The following RBM33 variants were observed in gnomAD, a reference collection of about 807,000 sequenced individuals.
RBM33 encodes the protein RNA-binding protein 33.
RBM33 carries 28 observed loss-of-function variants against 132.6 expected under a neutral mutation model. That is an observed-to-expected ratio of 0.21 (90% confidence interval 0.16 to 0.29). The LOEUF (loss-of-function observed/expected upper bound fraction) is 0.29. RBM33 is among the 10% of genes least tolerant of loss of function. The pLI, the probability that RBM33 is intolerant of heterozygous loss-of-function variation, is 1.00. For missense variants in RBM33, 1,291 were observed against 1,518.5 expected (o/e 0.85, Z 2.49); for synonymous variants, 634 against 593.0 (o/e 1.07, Z -1.01).
chr7:155,674,091 C>A (rs1313246829), intron 3 of RBM33, among the ~76,000 whole-genome samples: 1 of 151,540 alleles, frequency 6.6e-6, no homozygotes, highest in Non-Finnish European at 1.5e-5. Flanking sequence ...TTGGCCTAAC[C>A]CTGCTTTCCC....
In RBM33 at chr7:155,745,937, T is replaced by G. The variant is rs768154582; in HGVS notation, c.2979+335T>G. Among the ~76,000 whole-genome samples the G allele has an allele frequency of 2.6e-5, 4 of 152,328 alleles. No homozygotes were observed. The highest frequency in any genetic ancestry group is 3.4e-3 in the Middle Eastern group (1 of 294). On this transcript the variant is annotated intron_variant, in intron 14 of 17. Transcript: ENST00000401878. The surrounding 1 kb of genome is among the most constrained non-coding windows in gnomAD (Gnocchi z 4.1). ...TGCAGCATGTTACTGTGCTGAATAC[T>G]ATAGGCAGTTGTCACACAATGATGA...
At chr7:155,645,930 C>CT (rs1202943817) in intron 1 of RBM33, among the ~76,000 whole-genome samples, 2 of 152,194 alleles carry the variant, frequency 1.3e-5, no homozygotes, top group East Asian at 1.9e-4. Flanking sequence ...ACAAAAAAGA[C>CT]TAAGTGTAGG....
chr7:155,739,681 T>C, intron 11 of RBM33, 34 bp from the exon 12 acceptor site: 1 of 1,518,954 alleles, frequency 6.6e-7, no homozygotes. Context: ...TAACCATTTA[T>C]GAACTGTTGT....
intron 4 of RBM33, among the ~76,000 whole-genome samples, chr7:155,680,205 A>G (rs1033823068): frequency 2.6e-5 from 4 of 152,312 alleles, no homozygotes; most frequent in East Asian, 3.9e-4. Context: ...GTTTCTGTCT[A>G]TTTCATTTTG....
intron 14 of RBM33, 50 bp from the exon 15 acceptor site, chr7:155,763,762 T>G (rs73167201): frequency 0.04 from 62,401 of 1,544,070 alleles, 1,933 homozygotes; most frequent in African/African-American, 0.15. Flanking sequence ...GGGGAGGAGC[T>G]TTTGGTGGAG....
Position 155,644,897 on chromosome 7 carries a change from G to T in RBM33, c.21G>T (p.Ala7=), listed in dbSNP as rs779464871. 6.7e-6 allele frequency: 10 copies of T among 1,499,610 alleles called. No individual in the cohort carries two copies. Among genetic ancestry groups the T allele is most frequent in the Admixed American group, 4.2e-5 (2 of 47,170 alleles). The allele number at this position is 1,499,610 out of a possible 1,614,324, so 92.9% of individuals were successfully genotyped here. A position where few individuals can be genotyped will look rare whatever the true frequency, so the allele number is the denominator to read the frequency against. MAAALG[A]SGGAGAGDDD... ...GTGCCATGGCGGCCGCCCTGGGAGC[G>T]AGCGGAGGAGCAGGCGCCGGAGGTA... The change falls in exon 1 of 18, where the codon GCG becomes GCT. Residue 7 remains alanine, a synonymous_variant. Transcript: ENST00000401878.
chr7:155,718,494 T>G (rs373876926), intron 9 of RBM33, 51 bp downstream of exon 9: 4 of 1,444,616 alleles, frequency 2.8e-6, no homozygotes, highest in African/African-American at 2.8e-5. Context: ...ATACATTTAC[T>G]AAGAAATATT....
At chr7:155,674,743 G>T (rs1464804498) in intron 3 of RBM33, among the ~76,000 whole-genome samples, 1 of 152,206 alleles carries the variant, frequency 6.6e-6, no homozygotes, top group African/African-American at 2.4e-5. Context: ...GCTGGAACCG[G>T]AGCATGCCCA....
Position 155,745,327 on chromosome 7 carries a change from T to C in RBM33, c.2704T>C (p.Tyr902His), listed in dbSNP as rs1801480879. 1 of 1,613,258 alleles carries C rather than the reference T, an allele frequency of 6.2e-7. No individual in the cohort carries two copies. Among genetic ancestry groups the C allele is most frequent in the East Asian group, 2.2e-5 (1 of 44,878 alleles). Residue 902 changes from tyrosine to histidine, a missense_variant, in exon 14 of 18, where the codon TAT (tyrosine) becomes CAT (histidine). Physicochemically the swap from Tyr to His is moderately conservative, Grantham distance 83. Transcript: ENST00000401878. The surrounding 1 kb of genome is among the most constrained non-coding windows in gnomAD (Gnocchi z 4.1). Reference sequence around the variant, plus strand: ...TGTACCATCCAGTGCCAACATGCAGTATCAAGGACAACAGATGAAAGCACT... The same window carrying C: ...TGTACCATCCAGTGCCAACATGCAGCATCAAGGACAACAGATGAAAGCACT... ...NFVPSSANMQYQGQQMKALKH... is the reference protein window; with the variant it reads ...NFVPSSANMQHQGQQMKALKH...
chr7:155,673,047 A>AT (rs1247620964), intron 3 of RBM33, 132 bp downstream of exon 3: 5 of 516,752 alleles, frequency 9.7e-6, no homozygotes, highest in Middle Eastern at 5.1e-4. Flanking sequence ...AAACTGAATT[A>AT]TTTTTTAAGT....
At chr7:155,769,719 T>G (rs577972779) in intron 16 of RBM33, among the ~76,000 whole-genome samples, 1 of 150,606 alleles carries the variant, frequency 6.6e-6, no homozygotes, top group African/African-American at 2.4e-5. Context: ...GAAGGCCTGG[T>G]TGGTGAAGTA....
chr7:155,673,940 G>GTTTTTTTTTT (rs71186053), intron 3 of RBM33, among the ~76,000 whole-genome samples: 69 of 54,180 alleles, frequency 1.3e-3, no homozygotes, highest in East Asian at 3.4e-3. Flanking sequence ...TTTAGGCTTA[G>GTTTTTTTTTT]TTTTTTTTTT....
chr7:155,712,502 A>G (rs963682769), intron 8 of RBM33, among the ~76,000 whole-genome samples: 1 of 152,206 alleles, frequency 6.6e-6, no homozygotes, highest in African/African-American at 2.4e-5. Context: ...TTTATGTGGC[A>G]TGTTAGAAGA....
chr7:155,711,088 G>T, intron 7 of RBM33, 115 bp from the exon 8 acceptor site: 2 of 1,354,126 alleles, frequency 1.5e-6, no homozygotes, highest in Non-Finnish European at 1.9e-6. Flanking sequence ...CTTAAAAAAT[G>T]CAATCAGTGT....
intron 1 of RBM33, among the ~76,000 whole-genome samples, chr7:155,658,119 TG>T (rs1563130021): frequency 6.6e-6 from 1 of 152,190 alleles, no homozygotes; most frequent in Admixed American, 6.5e-5. Context: ...TGTCAACATT[TG>T]CTACATCAAT....
chr7:155,765,472 G>A (rs1026705287), intron 15 of RBM33, among the ~76,000 whole-genome samples: 1 of 152,112 alleles, frequency 6.6e-6, no homozygotes, highest in Non-Finnish European at 1.5e-5. Flanking sequence ...TTTTCTCTTC[G>A]TTTCCTTTTG....
chr7:155,655,846 A>G lies in RBM33; in HGVS notation c.44-9329A>G, dbSNP rs77768333. Among the ~76,000 whole-genome samples, 1,392 of 152,194 alleles carry G rather than the reference A, an allele frequency of 9.1e-3. 15 individuals are homozygous for G. Among genetic ancestry groups the G allele is most frequent in the African/African-American group, 0.032 (1,313 of 41,522 alleles). On this transcript the variant is annotated intron_variant, in intron 1 of 17. Coordinates refer to ENST00000401878, the MANE Select transcript of RBM33 (RefSeq NM_053043.3). ...GAGGCGGGAAGCTCACTTGAACCCAAGAGTTCAGTCCAGTCTGGGTAACAT... is the reference window on the plus strand; with the variant it reads ...GAGGCGGGAAGCTCACTTGAACCCAGGAGTTCAGTCCAGTCTGGGTAACAT...
chr7:155,764,158 C>G (rs1563181868), intron 15 of RBM33, 140 bp downstream of exon 15: 1 of 736,468 alleles, frequency 1.4e-6, no homozygotes, highest in African/African-American at 1.8e-5. Context: ...TTTGTTCTGG[C>G]TTTGAAAACG....
At chr7:155,761,211 G>C (rs1404530756) in intron 14 of RBM33, among the ~76,000 whole-genome samples, 2 of 152,182 alleles carry the variant, frequency 1.3e-5, no homozygotes, top group Admixed American at 1.3e-4. Context: ...GATTTAGTCT[G>C]CTAATATTCT....
Sources: allele counts gnomAD v4.1 joint callset (sites outside exome capture counted in the v4.1 genomes callset), GRCh38; gene constraint gnomAD v4.1.1; non-coding constraint Gnocchi (gnomAD v3.1); transcripts MANE v1.5; gene names NCBI Gene and HGNC (gene_info 2026-07-23, HGNC 2026-07-21).